Variants in ATP13A4 observed in about 807,000 individuals in gnomAD.
The protein encoded by ATP13A4 is ATPase 13A4.
Under a neutral mutation model 142.5 loss-of-function variants are expected in ATP13A4, and 114 were observed. The observed-to-expected ratio is 0.80, with a 90% CI of 0.69 to 0.93. ATP13A4 has a LOEUF of 0.93. Ranked by LOEUF, ATP13A4 falls within the 40% of genes least tolerant of loss-of-function variation. The pLI is 0.00. For synonymous variants in ATP13A4, 488 were observed against 514.8 expected, an observed-to-expected ratio of 0.95 and a Z score of 0.70; for missense variants, 1,392 against 1,454.0, an observed-to-expected ratio of 0.96 and a Z score of 0.69.
At chr3:193,431,601 G>T (rs1484360781) in intron 25 of ATP13A4, among the ~76,000 whole-genome samples, 1 of 147,244 alleles carries the variant, frequency 6.8e-6, no homozygotes, top group Non-Finnish European at 1.5e-5. Context: ...TTCTATATAT[G>T]CATGTGTGTG....
intron 12 of ATP13A4, among the ~76,000 whole-genome samples, chr3:193,464,532 T>C (rs948508786): frequency 5.3e-5 from 8 of 152,254 alleles, no homozygotes; most frequent in Non-Finnish European, 7.3e-5. Flanking sequence ...CTTCCTTTTT[T>C]ATTTGTTCAT....
intron 2 of ATP13A4, among the ~76,000 whole-genome samples, chr3:193,567,948 CTTTCTTTTCT>C (rs557033866): frequency 4.9e-4 from 75 of 151,900 alleles, no homozygotes; most frequent in African/African-American, 1.8e-3. Context: ...CCACCACTTT[CTTTCTTTTCT>C]TTTCTTTTCT....
intron 25 of ATP13A4, among the ~76,000 whole-genome samples, chr3:193,429,377 C>T (rs1715848869): frequency 6.6e-6 from 1 of 151,908 alleles, no homozygotes; most frequent in African/African-American, 2.4e-5. Flanking sequence ...TCACAACAGC[C>T]AACAGGTGGG....
chr3:193,570,320 C>CA (rs1019047749), intron 2 of ATP13A4, among the ~76,000 whole-genome samples: 2 of 151,904 alleles, frequency 1.3e-5, no homozygotes, highest in African/African-American at 4.8e-5. Context: ...GACTCTGTCT[C>CA]AAAAAAATAT....
At position 193,402,879 on chromosome 3, in the gene ATP13A4, A is replaced by G; in HGVS notation, c.3379-15T>C. 6.2e-7 allele frequency: 1 copy of G among 1,611,936 alleles called. No homozygotes were observed. The highest frequency in any genetic ancestry group is 8.5e-7 in the Non-Finnish European group (1 of 1,178,586). On this transcript the variant is annotated splice_polypyrimidine_tract_variant and intron_variant, in intron 29 of 29. Coordinates refer to ENST00000342695, the MANE Select transcript of ATP13A4 (RefSeq NM_032279.4). The stretch of plus-strand genomic sequence containing the variant: ...ATAACAGCCTCCTGCAAAATAAAAT[A>G]ATTACTTTTTACAAGCAAGGGTTGA...
intron 9 of ATP13A4, 123 bp from the exon 10 acceptor site, chr3:193,467,609 C>T: frequency 1.1e-6 from 1 of 949,926 alleles, no homozygotes. Context: ...CAGAGACAAC[C>T]CTAGGTATTG....
chr3:193,515,465 T>C (rs1263945912), intron 1 of ATP13A4, among the ~76,000 whole-genome samples: 1 of 152,190 alleles, frequency 6.6e-6, no homozygotes, highest in Non-Finnish European at 1.5e-5. Flanking sequence ...GATTAACAAG[T>C]AAATGCCAGC....
chr3:193,548,511 T>C (rs1723351332), intron 1 of ATP13A4, among the ~76,000 whole-genome samples: 1 of 152,206 alleles, frequency 6.6e-6, no homozygotes, highest in South Asian at 2.1e-4. Context: ...GTGGCCCAGC[T>C]TCCTGAACAT....
In ATP13A4 at chr3:193,410,879, A is replaced by G. The variant is rs1714731456; in HGVS notation, c.3297+103T>C. On this transcript the variant is annotated intron_variant, in intron 28 of 29. Transcript: ENST00000342695. The stretch of plus-strand genomic sequence containing the variant: ...TTTAGCTCTGCCATCCCAAAAGAAT[A>G]ATTTGTGTCAAAAATCATGTCAATT... 3 of 790,040 alleles carry G rather than the reference A, an allele frequency of 3.8e-6. No homozygotes were observed. In the Admixed American group the frequency reaches 6.2e-5, roughly 16 times the overall value. The allele number at this position is 790,040 out of a possible 1,614,324, so 48.9% of individuals were successfully genotyped here.
chr3:193,587,426 T>C (rs1174895488), intron 1 of ATP13A4, among the ~76,000 whole-genome samples: 1 of 152,174 alleles, frequency 6.6e-6, no homozygotes, highest in African/African-American at 2.4e-5. Context: ...CTCCCTCTCA[T>C]AAGAATATAT....
chr3:193,557,675 G>T (rs183191999), upstream of ATP13A4, among the ~76,000 whole-genome samples: 5 of 152,168 alleles, frequency 3.3e-5, no homozygotes, highest in African/African-American at 1.2e-4. Context: ...CTCCCAATCC[G>T]TGATCCTAGT....
chr3:193,556,561 C>A (rs1723897565), upstream of ATP13A4, among the ~76,000 whole-genome samples: 1 of 151,130 alleles, frequency 6.6e-6, no homozygotes, highest in African/African-American at 2.4e-5. Context: ...CACAATTTAA[C>A]CAAATAAATG....
At chr3:193,406,773 A>T (rs2108599989) in intron 29 of ATP13A4, among the ~76,000 whole-genome samples, 1 of 152,362 alleles carries the variant, frequency 6.6e-6, no homozygotes, top group Middle Eastern at 3.4e-3. Flanking sequence ...GTATGGTTTC[A>T]CTTATATGAA....
Position 193,457,389 on chromosome 3 carries a change from G to A in ATP13A4, c.1751C>T (p.Thr584Ile). 1.2e-6 allele frequency: 2 copies of A among 1,614,218 alleles called. No individual in the cohort carries two copies. The highest frequency in any genetic ancestry group is 8.5e-7 in the Non-Finnish European group (1 of 1,180,034). ...GCAAGCAGGGCTTACCTGGCTGGCT[G>A]TTCTGCAGGGCTTAACTACCATGGC... is the stretch of plus-strand genomic sequence containing the variant. ...AHAMVVKPCR[T>I]ASQVPVEGIA... is the part of the protein sequence containing the mutation. The change falls in exon 15 of 30, where the codon ACA becomes ATA. Residue 584 changes from threonine (T) to isoleucine (I), a missense_variant. Physicochemically the swap from Thr to Ile is moderately conservative, Grantham distance 89. Transcript: ENST00000342695.
intron 1 of ATP13A4, among the ~76,000 whole-genome samples, chr3:193,527,323 G>T (rs2108697756): frequency 6.6e-6 from 1 of 152,182 alleles, no homozygotes; most frequent in Admixed American, 6.5e-5. Context: ...TAAAAGTGTG[G>T]CACTTCCTGA....
Position 193,402,786 on chromosome 3 carries a change from T to A in ATP13A4, c.3457A>T (p.Ile1153Leu), listed in dbSNP as rs761083878. The change falls in exon 30 of 30, where the codon ATA (isoleucine) becomes TTA (leucine). Residue 1153 changes from isoleucine (I) to leucine (L), a missense_variant. By Grantham distance (5) the Ile-to-Leu change is conservative. Coordinates refer to ENST00000342695, the MANE Select transcript of ATP13A4 (RefSeq NM_032279.4). ...TCATTTGCCAAGTCCCTCTGCCATA[T>A]CCGATACTGGCTTTTTGACTGATAG... ...FGYQSKSQYR[I>L]WQRDLANDPS... 6.8e-6 allele frequency: 11 copies of A among 1,614,054 alleles called. No individual in the cohort carries two copies. In the South Asian group the frequency reaches 1.1e-4, roughly 16 times the overall value.
At position 193,399,708 on chromosome 3, in the gene ATP13A4, C is replaced by T. The variant is rs1261113846; in HGVS notation, c.*2944G>A. 1.3e-5 allele frequency among the ~76,000 whole-genome samples: 2 copies of T among 151,928 alleles called. No homozygotes were observed. Among genetic ancestry groups the T allele is most frequent in the African/African-American group, 4.8e-5 (2 of 41,360 alleles). ...CTAAAAATACAAAAAATTAGCCGGG[C>T]ATGGTGGCAGACCTGTAGTCCCAGC... On this transcript the variant is annotated 3_prime_UTR_variant, in exon 30 of 30. Coordinates refer to ENST00000342695, the MANE Select transcript of ATP13A4 (RefSeq NM_032279.4).
intron 17 of ATP13A4, among the ~76,000 whole-genome samples, chr3:193,451,227 C>T (rs971865805): frequency 1.3e-5 from 2 of 152,180 alleles, no homozygotes; most frequent in East Asian, 1.9e-4. Context: ...AGGCCCCAGG[C>T]CTTGGTTATT....
chr3:193,550,305 G>GTTT (rs66816945), intron 1 of ATP13A4, among the ~76,000 whole-genome samples: 7 of 131,980 alleles, frequency 5.3e-5, no homozygotes, highest in Admixed American at 1.5e-4. Context: ...TGAATTTTAG[G>GTTT]TTTTTTTTTT....
Sources: gnomAD v4.1 joint callset for allele counts (sites outside exome capture counted in the v4.1 genomes callset) on GRCh38, gnomAD v4.1.1 for gene constraint, MANE v1.5 for transcripts, NCBI Gene and HGNC (gene_info 2026-07-23, HGNC 2026-07-21) for gene names.